The following NARS2 variants were observed in gnomAD, a reference collection of about 807,000 sequenced individuals.
NARS2 encodes the protein asparaginyl-tRNA synthetase 2, mitochondrial, also known as asparaginyl-tRNA synthetase.
NARS2 carries 60 observed loss-of-function variants against 62.9 expected under a neutral mutation model. That is an observed-to-expected ratio of 0.95 (90% CI 0.77 to 1.18). NARS2 has a LOEUF of 1.18. Among genes scored for constraint, NARS2 ranks in the 50% most tolerant of loss-of-function variants. The pLI is 0.00. For missense variants in NARS2, 619 were observed against 576.4 expected (o/e 1.07, Z -0.76); for synonymous variants, 196 against 200.0 (o/e 0.98, Z 0.17).
chr11:78,465,809 C>A, intron 11 of NARS2, 67 bp downstream of exon 11: 2 of 1,509,508 alleles, frequency 1.3e-6, no homozygotes, highest in Non-Finnish European at 1.8e-6. Flanking sequence ...AAGAAAAGAT[C>A]ACAAAGGCTA....
intron 9 of NARS2, among the ~76,000 whole-genome samples, chr11:78,475,618 G>T: frequency 8.4e-6 from 1 of 119,420 alleles, no homozygotes; most frequent in Admixed American, 9.8e-5. Flanking sequence ...TTTGAGACAA[G>T]GTCTTGCTCT....
intron 5 of NARS2, among the ~76,000 whole-genome samples, chr11:78,537,955 G>T (rs1167767546): frequency 1.3e-5 from 2 of 152,210 alleles, no homozygotes; most frequent in African/African-American, 2.4e-5. Flanking sequence ...GTCAACTGCA[G>T]TCTGGAAATA....
At chr11:78,510,964 T>C (rs1053888130) in intron 6 of NARS2, among the ~76,000 whole-genome samples, 2 of 152,152 alleles carry the variant, frequency 1.3e-5, no homozygotes, top group South Asian at 2.1e-4. Context: ...ATCTAACCTA[T>C]GGGGACAATA....
At chr11:78,537,580 C>T (rs964070945) in intron 5 of NARS2, among the ~76,000 whole-genome samples, 18 of 152,220 alleles carry the variant, frequency 1.2e-4, no homozygotes, top group African/African-American at 2.9e-4. Context: ...GAGAACTGCT[C>T]GAGTCCAGCA....
At chr11:78,461,640 C>A (rs1210775317) in intron 11 of NARS2, among the ~76,000 whole-genome samples, 2 of 144,680 alleles carry the variant, frequency 1.4e-5, no homozygotes, top group Non-Finnish European at 1.5e-5. Flanking sequence ...AATTCAATAC[C>A]CATCCTAAAG....
chr11:78,448,947 A>T (rs577616871), intron 11 of NARS2, among the ~76,000 whole-genome samples: 1 of 152,272 alleles, frequency 6.6e-6, no homozygotes, highest in Middle Eastern at 3.4e-3. Flanking sequence ...CTATGTTTAA[A>T]GGAATATAAA....
chr11:78,459,664 A>T (rs1858315456), intron 11 of NARS2, among the ~76,000 whole-genome samples: 2 of 152,148 alleles, frequency 1.3e-5, no homozygotes, highest in South Asian at 4.1e-4. Context: ...TTCTGCCATG[A>T]CTGTGAGGCC....
intron 2 of NARS2, among the ~76,000 whole-genome samples, chr11:78,570,106 C>T (rs1326466228): frequency 6.6e-6 from 1 of 152,094 alleles, no homozygotes; most frequent in African/African-American, 2.4e-5. Flanking sequence ...ACGAGAATTG[C>T]CCGAACTCAT....
intron 11 of NARS2, among the ~76,000 whole-genome samples, chr11:78,451,968 G>A (rs1857985715): frequency 6.6e-6 from 1 of 151,778 alleles, no homozygotes; most frequent in Non-Finnish European, 1.5e-5. Flanking sequence ...AAGCAAGCTG[G>A]AGCACATCAC....
intron 5 of NARS2, among the ~76,000 whole-genome samples, chr11:78,552,250 G>C (rs759490369): frequency 2.0e-5 from 3 of 152,128 alleles, no homozygotes; most frequent in Non-Finnish European, 4.4e-5. Context: ...GCGGTATTTA[G>C]TTTTCTGTTC....
chr11:78,454,078 G>A (rs1280918457), intron 11 of NARS2, among the ~76,000 whole-genome samples: 1 of 152,156 alleles, frequency 6.6e-6, no homozygotes, highest in Non-Finnish European at 1.5e-5. Flanking sequence ...GAAAACATCA[G>A]TTGAGAACTC....
chr11:78,469,402 A>G (rs992934608), intron 9 of NARS2, 89 bp from the exon 10 acceptor site: 14 of 877,392 alleles, frequency 1.6e-5, no homozygotes, highest in Non-Finnish European at 2.3e-5. Flanking sequence ...GCGTACTCCT[A>G]TATCACACTG....
chr11:78,536,794 T>C (rs541086128), intron 5 of NARS2, among the ~76,000 whole-genome samples: 2 of 152,340 alleles, frequency 1.3e-5, no homozygotes, highest in South Asian at 4.1e-4. Flanking sequence ...AGTAATGTCC[T>C]AGGCCTTCCT....
chr11:78,523,978 G>T (rs1861215412), intron 6 of NARS2, among the ~76,000 whole-genome samples: 1 of 152,086 alleles, frequency 6.6e-6, no homozygotes, highest in Non-Finnish European at 1.5e-5. Flanking sequence ...TCAAATTGGT[G>T]AATTTTAGGG....
intron 9 of NARS2, among the ~76,000 whole-genome samples, chr11:78,476,651 TG>T (rs956758571): frequency 2.0e-5 from 3 of 152,240 alleles, no homozygotes. Context: ...ATCTTGCTGA[TG>T]TCCCTCTCCC....
intron 4 of NARS2, among the ~76,000 whole-genome samples, chr11:78,561,047 T>C (rs1372715879): frequency 6.6e-6 from 1 of 152,130 alleles, no homozygotes; most frequent in Non-Finnish European, 1.5e-5. Flanking sequence ...TTAGAACTGG[T>C]CAAATGCCAC....
chr11:78,536,667 A>G (rs1025072862), intron 5 of NARS2, among the ~76,000 whole-genome samples: 1 of 152,210 alleles, frequency 6.6e-6, no homozygotes, highest in Non-Finnish European at 1.5e-5. Flanking sequence ...TTAAGTTTAT[A>G]AAGTAAAAAA....
chr11:78,468,306 A>G (rs1321567680), intron 10 of NARS2, among the ~76,000 whole-genome samples: 5 of 144,986 alleles, frequency 3.4e-5, no homozygotes, highest in Non-Finnish European at 6.0e-5. Flanking sequence ...CAAGCACTAA[A>G]TCTGAAAAAA....
At chr11:78,515,728 T>C (rs914397807) in intron 6 of NARS2, among the ~76,000 whole-genome samples, 2 of 152,084 alleles carry the variant, frequency 1.3e-5, no homozygotes, top group Non-Finnish European at 2.9e-5. Context: ...AGTCTTGCTA[T>C]TGTCCAGTCT....
Sources: allele counts gnomAD v4.1 joint callset (sites outside exome capture counted in the v4.1 genomes callset), GRCh38; gene constraint gnomAD v4.1.1; transcripts MANE v1.5; gene names NCBI Gene and HGNC (gene_info 2026-07-23, HGNC 2026-07-21).